The following CACNA2D4 variants were observed in gnomAD, a reference collection of about 807,000 sequenced individuals.
The protein encoded by CACNA2D4 is calcium voltage-gated channel auxiliary subunit alpha2delta 4.
Under a neutral mutation model 163.8 loss-of-function variants are expected in CACNA2D4, and 157 were observed. The ratio of observed to expected loss-of-function variants is 0.96; its 90% CI spans 0.84 to 1.09. The LOEUF (loss-of-function observed/expected upper bound fraction) is 1.09, where lower values mean the gene tolerates loss of function less well. CACNA2D4 is among the 50% of genes least tolerant of loss of function. The pLI is 0.00. For synonymous variants in CACNA2D4, 598 were observed against 586.9 expected, an observed-to-expected ratio of 1.02 and a Z score of -0.27; for missense variants, 1,410 against 1,479.9, an observed-to-expected ratio of 0.95 and a Z score of 0.78.
At chr12:1,915,131 C>T in intron 1 of CACNA2D4, 196 bp from the exon 2 acceptor site, 1 of 704,432 alleles carries the variant, frequency 1.4e-6, no homozygotes, top group African/African-American at 1.7e-5. Flanking sequence ...ATACATACCC[C>T]CCACACACAT....
chr12:1,800,248 A>G, intron 32 of CACNA2D4, 138 bp downstream of exon 32: 1 of 1,023,944 alleles, frequency 9.8e-7, no homozygotes, highest in East Asian at 2.6e-5. Context: ...GTCCATGCCC[A>G]GGGATTGTGC....
chr12:1,891,921 T>C (rs769917381), intron 6 of CACNA2D4, among the ~76,000 whole-genome samples: 2 of 152,152 alleles, frequency 1.3e-5, no homozygotes, highest in Non-Finnish European at 2.9e-5. Context: ...CTATGTGACA[T>C]ATAGGACATC....
rs1592758782 is a variant in CACNA2D4 at position 1,918,530 on chromosome 12, G to A, written c.-57C>T. 3.6e-6 allele frequency: 5 copies of A among 1,378,614 alleles called. No homozygotes were observed. The highest frequency in any genetic ancestry group is 4.0e-6 in the Non-Finnish European group (4 of 1,002,936). 85.4% of individuals were successfully genotyped at this position (1,378,614 alleles called of 1,614,324 possible). A position where few individuals can be genotyped will look rare whatever the true frequency, so the allele number is the denominator to read the frequency against. Reference sequence around the variant, plus strand: ...GACGCCCCAGGCCTTTGTCTTCCGTGCCTTGGCGAGCCTGGGGTCTCCAGC... The same window carrying A: ...GACGCCCCAGGCCTTTGTCTTCCGTACCTTGGCGAGCCTGGGGTCTCCAGC... On this transcript the variant is annotated 5_prime_UTR_variant, in exon 1 of 38. Transcript: ENST00000382722.
chr12:1,830,895 T>C, intron 26 of CACNA2D4: 1 of 1,518,694 alleles, frequency 6.6e-7, no homozygotes, highest in South Asian at 1.2e-5. Context: ...TGGTGACCCG[T>C]CCTATTGCTT....
chr12:1,884,365 C>A (rs2154449715), intron 11 of CACNA2D4, 44 bp from the exon 12 acceptor site: 1 of 1,495,378 alleles, frequency 6.7e-7, no homozygotes, highest in African/African-American at 1.4e-5. Flanking sequence ...AAATTCCCGG[C>A]CATAAGTAAT....
intron 7 of CACNA2D4, among the ~76,000 whole-genome samples, chr12:1,886,699 C>A (rs1171144023): frequency 6.6e-6 from 1 of 152,186 alleles, no homozygotes; most frequent in Non-Finnish European, 1.5e-5. Flanking sequence ...ATTCTGTTAC[C>A]AACTTGCCAC....
intron 26 of CACNA2D4, among the ~76,000 whole-genome samples, chr12:1,839,027 G>A (rs1046305479): frequency 6.6e-6 from 1 of 152,192 alleles, no homozygotes; most frequent in Non-Finnish European, 1.5e-5. Flanking sequence ...AATGTCAGAC[G>A]GAGCCATTCT....
chr12:1,832,189 T>C (rs75973512), intron 26 of CACNA2D4, among the ~76,000 whole-genome samples: 19,247 of 152,208 alleles, frequency 0.13, 1,533 homozygotes, highest in Non-Finnish European at 0.17. Context: ...GTGCGCAAGA[T>C]GGTGGTGAGG....
chr12:1,859,220 G>T lies in CACNA2D4; in HGVS notation c.1941-576C>A, dbSNP rs567071777. Among the ~76,000 whole-genome samples, 80 of 152,188 alleles carry T rather than the reference G, an allele frequency of 5.3e-4. 1 individual carries two copies. Among genetic ancestry groups the T allele is most frequent in the Non-Finnish European group, 9.3e-4 (63 of 68,008 alleles). On this transcript the variant is annotated intron_variant, in intron 19 of 37. Transcript: ENST00000382722. The stretch of plus-strand genomic sequence containing the variant: ...TTTAATCAAAAAATTAATGGGGTGT[G>T]GTGGCACGCTCCTGTACTGTCCCAG...
chr12:1,858,775 A>C, intron 19 of CACNA2D4, 131 bp from the exon 20 acceptor site: 3 of 578,736 alleles, frequency 5.2e-6, no homozygotes, highest in Non-Finnish European at 8.7e-6. Flanking sequence ...TGTGCTCCTC[A>C]TGCCCCCTTC....
intron 29 of CACNA2D4, chr12:1,809,440 C>A: frequency 1.5e-6 from 1 of 674,482 alleles, no homozygotes; most frequent in South Asian, 1.6e-5. Flanking sequence ...AATACTATGC[C>A]CCTTTCCCCG....
rs1048964690 is a variant in CACNA2D4, at chr12:1,798,627, G to A, written c.2995+1048C>T. Among the ~76,000 whole-genome samples, 14 of 152,284 alleles carry A rather than the reference G, an allele frequency of 9.2e-5. No individual in the cohort carries two copies. Among genetic ancestry groups the A allele is most frequent in the Admixed American group, 2.0e-4 (3 of 15,302 alleles). On this transcript the variant is annotated intron_variant, in intron 34 of 37. Coordinates refer to ENST00000382722, the MANE Select transcript of CACNA2D4 (RefSeq NM_172364.5). The surrounding 1 kb of genome is among the most constrained non-coding windows in gnomAD (Gnocchi z 4.3). Reference sequence around the variant, plus strand: ...GAAGGGGCTGCAGCACCTACGCCCCGGCCTGGGACTCCAAGTCCAGTGCGC... The same window carrying A: ...GAAGGGGCTGCAGCACCTACGCCCCAGCCTGGGACTCCAAGTCCAGTGCGC...
intron 20 of CACNA2D4, among the ~76,000 whole-genome samples, chr12:1,857,609 G>A (rs1865428840): frequency 6.6e-6 from 1 of 152,126 alleles, no homozygotes; most frequent in Non-Finnish European, 1.5e-5. Flanking sequence ...GGGTTCCTGG[G>A]ATATCTGTGA....
chr12:1,805,061 A>C (rs1863485577), intron 29 of CACNA2D4, among the ~76,000 whole-genome samples: 1 of 152,172 alleles, frequency 6.6e-6, no homozygotes, highest in African/African-American at 2.4e-5. Context: ...GTGGCACCCA[A>C]AGCATAGCAC....
chr12:1,826,291 A>C (rs1040818853), intron 26 of CACNA2D4, among the ~76,000 whole-genome samples: 2 of 152,086 alleles, frequency 1.3e-5, no homozygotes, highest in Non-Finnish European at 2.9e-5. Context: ...ATCCTCATAG[A>C]AACTCCACCA....
In CACNA2D4 at chr12:1,875,235, T is replaced by G; in HGVS notation, c.1806+16A>C. The G allele has an allele frequency of 6.3e-7, 1 of 1,583,716 alleles. No homozygotes were observed. The highest frequency in any genetic ancestry group is 8.7e-7 in the Non-Finnish European group (1 of 1,152,588). On this transcript the variant is annotated intron_variant, in intron 17 of 37. Coordinates refer to ENST00000382722, the MANE Select transcript of CACNA2D4 (RefSeq NM_172364.5). This position sits in a 1 kb window ranked among gnomAD's most constrained non-coding sequence, Gnocchi z 4.0. ...GAGCCTAACTAGCTTCCCTTCCCCC[T>G]ATTTTCCCCACTCACAGATTCAGCC...
intron 20 of CACNA2D4, among the ~76,000 whole-genome samples, chr12:1,856,734 C>T (rs1865407505): frequency 6.6e-6 from 1 of 152,216 alleles, no homozygotes; most frequent in African/African-American, 2.4e-5. Context: ...GGCCTCTCAC[C>T]TAACACAGAG....
intron 37 of CACNA2D4, chr12:1,794,990 A>G (rs1397009960): frequency 1.5e-5 from 8 of 542,396 alleles, no homozygotes; most frequent in African/African-American, 1.1e-4. Context: ...CAAGGGTCTT[A>G]GAGGCACCTG....
At position 1,799,431 on chromosome 12, in the gene CACNA2D4, G is replaced by A. The variant is rs914089900; in HGVS notation, c.2995+244C>T. ...CACCGGCTTCCTCTTGGAATCTTAC[G>A]TGTTCTCACCCAAGGGGAGGCTGGA... On this transcript the variant is annotated intron_variant, in intron 34 of 37. Transcript: ENST00000382722. The surrounding 1 kb of genome is among the most constrained non-coding windows in gnomAD (Gnocchi z 4.7). Among the ~76,000 whole-genome samples the A allele has an allele frequency of 1.3e-4, 20 of 152,180 alleles. No individual in the cohort carries two copies. Among genetic ancestry groups the A allele is most frequent in the Non-Finnish European group, 7.4e-5 (5 of 68,024 alleles).
Sources: allele counts gnomAD v4.1 joint callset (sites outside exome capture counted in the v4.1 genomes callset), GRCh38; gene constraint gnomAD v4.1.1; non-coding constraint Gnocchi (gnomAD v3.1); transcripts MANE v1.5; gene names NCBI Gene and HGNC (gene_info 2026-07-23, HGNC 2026-07-21).